CAPN14: variants seen among roughly 807,000 people sequenced by gnomAD.
The protein encoded by CAPN14 is calpain-14.
Under a neutral mutation model 101.3 loss-of-function variants are expected in CAPN14, and 94 were observed. The observed-to-expected ratio is 0.93, with a 90% CI of 0.79 to 1.10. CAPN14 has a LOEUF of 1.10. Ranked by LOEUF, CAPN14 falls within the 50% of genes least tolerant of loss-of-function variation. The pLI, the probability that CAPN14 is intolerant of heterozygous loss-of-function variation, is 0.00. For missense variants in CAPN14, 837 were observed against 828.4 expected (o/e 1.01, Z -0.13); for synonymous variants, 338 against 317.9 (o/e 1.06, Z -0.67).
chr2:31,188,494 C>A, intron 13 of CAPN14, 140 bp from the exon 14 acceptor site: 1 of 711,848 alleles, frequency 1.4e-6, no homozygotes, highest in Non-Finnish European at 2.5e-6. Flanking sequence ...CACACCTCAC[C>A]TCCTGCTTCC....
chr2:31,189,624 G>C, intron 12 of CAPN14, 146 bp from the exon 13 acceptor site: 1 of 727,568 alleles, frequency 1.4e-6, no homozygotes, highest in East Asian at 2.7e-5. Context: ...GAAACAAGTG[G>C]GGAGGAAAGG....
At position 31,174,361 on chromosome 2, in the gene CAPN14, G is replaced by A; in HGVS notation, c.*320C>T. ...AGCCACAGAGGCAGTGTTGTATGGA[G>A]GCTAACCACACCAGCTCTGGAGTCA... On this transcript the variant is annotated 3_prime_UTR_variant, in exon 22 of 22. Transcript: ENST00000403897. 2.0e-6 allele frequency: 1 copy of A among 494,938 alleles called. No individual in the cohort carries two copies. Among genetic ancestry groups the A allele is most frequent in the East Asian group, 3.7e-5 (1 of 27,396 alleles). 30.7% of individuals were successfully genotyped at this position (494,938 alleles called of 1,614,324 possible). A position where few individuals can be genotyped will look rare whatever the true frequency, so the allele number is the denominator to read the frequency against.
rs188626266 is a variant in CAPN14, at chr2:31,225,161, T to C, written c.-53+1367A>G. Among the ~76,000 whole-genome samples, 358 of 151,978 alleles carry C rather than the reference T, an allele frequency of 2.4e-3. 1 individual carries two copies. Among genetic ancestry groups the C allele is most frequent in the African/African-American group, 6.6e-3 (273 of 41,480 alleles). On this transcript the variant is annotated intron_variant and NMD_transcript_variant, in intron 2 of 21. Transcript: ENST00000398824. The stretch of plus-strand genomic sequence containing the variant: ...GCTTTTAGAAAAATAAGGGAAAAAA[T>C]AGACAATCAGAAAAATATAAATGGT...
intron 15 of CAPN14, among the ~76,000 whole-genome samples, chr2:31,186,806 A>C (rs994591308): frequency 6.6e-6 from 1 of 152,230 alleles, no homozygotes; most frequent in Non-Finnish European, 1.5e-5. Context: ...TGAACATTTG[A>C]TTTTAAAATA....
Position 31,192,002 on chromosome 2 carries a change from A to G in CAPN14, c.1211T>C (p.Leu404Pro), listed in dbSNP as rs1446434201. The change falls in exon 11 of 22, where the codon CTC becomes CCC. Residue 404 changes from leucine (L) to proline (P), a missense_variant. By Grantham distance (98) the Leu-to-Pro change is moderately conservative (BLOSUM62 -3). Coordinates refer to ENST00000403897, the MANE Select transcript of CAPN14 (RefSeq NM_001145122.2). ...GCGGCACCTGTGCCTGGGCTTCTGG[A>G]GCAGGGACACCAGCACGCTGCAGGG... Reference protein sequence around the residue: ...LRPCSVLVSLLQKPRHRCRKR... With the variant: ...LRPCSVLVSLPQKPRHRCRKR... 6.4e-6 allele frequency: 10 copies of G among 1,551,460 alleles called. No individual in the cohort carries two copies. Among genetic ancestry groups the G allele is most frequent in the Middle Eastern group, 3.3e-4 (2 of 6,014 alleles).
chr2:31,187,589 G>A (rs1361610763), intron 15 of CAPN14, among the ~76,000 whole-genome samples, 169 bp downstream of exon 15: 1 of 152,188 alleles, frequency 6.6e-6, no homozygotes, highest in East Asian at 1.9e-4. Flanking sequence ...CCACTCATTT[G>A]TCTAAAAACT....
At chr2:31,176,946 T>G (rs1287160045) in intron 20 of CAPN14, 80 bp downstream of exon 20, 1 of 1,061,018 alleles carries the variant, frequency 9.4e-7, no homozygotes. Context: ...TGTCCTCCCT[T>G]GTGCTTAAAC....
intron 1 of CAPN14, chr2:31,233,667 T>C (rs1044709592): frequency 6.6e-6 from 1 of 152,118 alleles, no homozygotes; most frequent in Non-Finnish European, 1.5e-5. Context: ...ATGGGAACGA[T>C]TTTGACTTCA....
At chr2:31,231,110 C>G (rs1039071808) in intron 1 of CAPN14, among the ~76,000 whole-genome samples, 31 of 152,104 alleles carry the variant, frequency 2.0e-4, no homozygotes, top group African/African-American at 7.5e-4. Context: ...TCTCTGTTCT[C>G]CTTTTTCTGC....
In CAPN14 at chr2:31,194,407, A is replaced by G. The variant is rs1315623635; in HGVS notation, c.950+2T>C. On this transcript the variant is annotated splice_donor_variant, in intron 9 of 21. Coordinates refer to ENST00000403897, the MANE Select transcript of CAPN14 (RefSeq NM_001145122.2). LOFTEE classifies it high-confidence loss of function. ...ATTTGTCCAAGTCCCTAAGTCCAAT[A>G]CCAGAATTCTCCGTCATTGTCTTTC... is the stretch of plus-strand genomic sequence containing the variant. 3.2e-6 allele frequency: 5 copies of G among 1,550,032 alleles called. No homozygotes were observed. The highest frequency in any genetic ancestry group is 4.4e-6 in the Non-Finnish European group (5 of 1,145,640).
intron 1 of CAPN14, among the ~76,000 whole-genome samples, chr2:31,229,587 G>A (rs1683125579): frequency 6.7e-6 from 1 of 149,328 alleles, no homozygotes. Flanking sequence ...GAGGCAGGCT[G>A]AGAATCTCTT....
chr2:31,177,717 C>T (rs1411550671), intron 19 of CAPN14, 29 bp downstream of exon 19: 5 of 1,525,210 alleles, frequency 3.3e-6, no homozygotes, highest in South Asian at 2.4e-5. Context: ...CCCGTGTGTG[C>T]CCACAGCTCC....
At chr2:31,211,669 G>A (rs1175097419) in intron 1 of CAPN14, among the ~76,000 whole-genome samples, 2 of 41,336 alleles carry the variant, frequency 4.8e-5, no homozygotes, top group Non-Finnish European at 9.9e-5. Context: ...ACGTGTGCAT[G>A]TGCACACACA....
chr2:31,195,377 C>T (rs1399116323), intron 8 of CAPN14, among the ~76,000 whole-genome samples: 8 of 152,208 alleles, frequency 5.3e-5, no homozygotes, highest in African/African-American at 7.2e-5. Context: ...CACTCTGCCA[C>T]GTACGCTGGA....
At chr2:31,184,945 A>G (rs781014705) in intron 16 of CAPN14, among the ~76,000 whole-genome samples, 17 of 152,222 alleles carry the variant, frequency 1.1e-4, no homozygotes, top group Non-Finnish European at 2.2e-4. Flanking sequence ...ACAAAAATGA[A>G]GTCTCTTCTG....
intron 1 of CAPN14, among the ~76,000 whole-genome samples, chr2:31,206,755 G>A (rs377641858): frequency 1.6e-4 from 24 of 152,284 alleles, no homozygotes; most frequent in African/African-American, 5.5e-4. Context: ...TTGCAGGACA[G>A]GTTGGCTACA....
chr2:31,209,639 AT>A (rs1471456324), intron 1 of CAPN14, among the ~76,000 whole-genome samples: 1 of 152,196 alleles, frequency 6.6e-6, no homozygotes, highest in Non-Finnish European at 1.5e-5. Flanking sequence ...AAATGGGAAC[AT>A]TTTAAATGTG....
intron 5 of CAPN14, among the ~76,000 whole-genome samples, chr2:31,201,140 C>CGT (rs374003314): frequency 9.8e-5 from 12 of 122,278 alleles, no homozygotes; most frequent in Admixed American, 4.4e-4. Flanking sequence ...TATGTGTGGA[C>CGT]GTGTGTGTGT....
At chr2:31,201,259 G>A (rs564760162) in intron 5 of CAPN14, among the ~76,000 whole-genome samples, 17 of 152,020 alleles carry the variant, frequency 1.1e-4, no homozygotes, top group East Asian at 9.7e-4. Context: ...ATGTGCATGC[G>A]TGTGTGTGTG....
Sources: gnomAD v4.1 joint callset for allele counts (sites outside exome capture counted in the v4.1 genomes callset) on GRCh38, gnomAD v4.1.1 for gene constraint, MANE v1.5 for transcripts, NCBI Gene and HGNC (gene_info 2026-07-23, HGNC 2026-07-21) for gene names.